The following KLF12 variants were observed in gnomAD, a reference collection of about 807,000 sequenced individuals.
KLF12 encodes Krueppel-like factor 12.
Under a neutral mutation model 37.8 loss-of-function variants are expected in KLF12, and 9 were observed. The ratio of observed to expected loss-of-function variants is 0.24; its 90% CI spans 0.14 to 0.42. KLF12 has a LOEUF of 0.42. Among genes scored for constraint, KLF12 ranks in the 10% least tolerant of loss-of-function variants. KLF12 has a pLI of 1.00. For missense variants in KLF12, 411 were observed against 516.0 expected, an observed-to-expected ratio of 0.80 and a Z score of 1.97; for synonymous variants, 208 against 202.1, an observed-to-expected ratio of 1.03 and a Z score of -0.25.
At chr13:74,121,673 T>G (rs1459609312) in intron 1 of KLF12, among the ~76,000 whole-genome samples, 1 of 152,044 alleles carries the variant, frequency 6.6e-6, no homozygotes, top group African/African-American at 2.4e-5. Context: ...TATAATTTAA[T>G]GCAATCCCAA....
At chr13:74,006,898 A>G (rs76385460) in intron 1 of KLF12, among the ~76,000 whole-genome samples, 2,968 of 152,302 alleles carry the variant, frequency 0.019, 80 homozygotes, top group African/African-American at 0.063. Flanking sequence ...TCCAATGCAC[A>G]TGACAAACAT....
chr13:73,794,792 T>C (rs1881872369), intron 5 of KLF12, among the ~76,000 whole-genome samples: 1 of 152,190 alleles, frequency 6.6e-6, no homozygotes, highest in Admixed American at 6.5e-5. Context: ...GCAAAGATCA[T>C]GAAGGGATGT....
the KLF12 span, among the ~76,000 whole-genome samples, chr13:74,287,960 C>T: frequency 6.6e-6 from 1 of 151,934 alleles, no homozygotes; most frequent in Non-Finnish European, 1.5e-5. Context: ...TAGAGCTCCA[C>T]CCCCCTCCCA....
At chr13:73,796,706 C>T (rs578096128) in intron 5 of KLF12, among the ~76,000 whole-genome samples, 39 of 152,236 alleles carry the variant, frequency 2.6e-4, no homozygotes, top group African/African-American at 8.9e-4. Context: ...CTAGCAATCC[C>T]CTTCTTCAGT....
At chr13:74,067,960 C>T (rs957610579) in intron 1 of KLF12, among the ~76,000 whole-genome samples, 8 of 152,216 alleles carry the variant, frequency 5.3e-5, no homozygotes, top group African/African-American at 1.9e-4. Context: ...TTTTAACCAA[C>T]TTCCGCTTAA....
chr13:74,012,150 T>G (rs886231224), intron 1 of KLF12, among the ~76,000 whole-genome samples: 3 of 152,196 alleles, frequency 2.0e-5, no homozygotes, highest in Non-Finnish European at 4.4e-5. Context: ...TTCAGCCCCT[T>G]GGAGAGCTAT....
intron 2 of KLF12, among the ~76,000 whole-genome samples, chr13:73,949,080 AT>A (rs1336683796): frequency 6.6e-6 from 1 of 152,210 alleles, no homozygotes. Context: ...CATCTGAGAC[AT>A]AAGGAGGTTA....
chr13:74,091,719 T>C (rs1162964412), intron 1 of KLF12, among the ~76,000 whole-genome samples: 2 of 152,104 alleles, frequency 1.3e-5, no homozygotes, highest in African/African-American at 4.8e-5. Context: ...AAAAAACCTC[T>C]GTATGATAGT....
intron 4 of KLF12, among the ~76,000 whole-genome samples, chr13:73,843,039 TATGGG>T: frequency 6.6e-6 from 1 of 152,236 alleles, no homozygotes; most frequent in East Asian, 1.9e-4. Context: ...AAATAGAAAA[TATGGG>T]ATGTCCTCAA....
chr13:74,211,520 A>C, the KLF12 span, among the ~76,000 whole-genome samples: 2 of 152,192 alleles, frequency 1.3e-5, no homozygotes, highest in African/African-American at 2.4e-5. Flanking sequence ...GAAATCAAGC[A>C]GAACAATTTG....
At chr13:73,892,196 T>C (rs1023112092) in intron 3 of KLF12, among the ~76,000 whole-genome samples, 3 of 152,192 alleles carry the variant, frequency 2.0e-5, no homozygotes, top group Admixed American at 6.5e-5. Context: ...CAGAAATCTC[T>C]CCTGAACTAT....
At chr13:74,221,151 CCG>C in the KLF12 span, among the ~76,000 whole-genome samples, 18 of 151,870 alleles carry the variant, frequency 1.2e-4, no homozygotes, top group East Asian at 9.7e-4. Context: ...ACTACAAGCA[CCG>C]CCGCCACCAC....
At chr13:73,780,485 T>C (rs12873526) in intron 5 of KLF12, among the ~76,000 whole-genome samples, 4 of 142,354 alleles carry the variant, frequency 2.8e-5, no homozygotes, top group Admixed American at 1.4e-4. Context: ...TTTTTTTTTT[T>C]CTTTTTTCTT....
At position 73,752,607 on chromosome 13, in the gene KLF12, G is replaced by T. The variant is rs373963578; in HGVS notation, c.869+12331C>A. 3.7e-4 allele frequency among the ~76,000 whole-genome samples: 57 copies of T among 152,070 alleles called. 1 individual carries two copies. The highest frequency in any genetic ancestry group is 1.4e-3 in the African/African-American group (56 of 41,460). The stretch of plus-strand genomic sequence containing the variant: ...AACTGCTGTTTACAGTTTTCAGAAC[G>T]CATCCTAGTTGCATCCACTTCTCTC... On this transcript the variant is annotated intron_variant, in intron 6 of 7. Coordinates refer to ENST00000377669, the MANE Select transcript of KLF12 (RefSeq NM_007249.5).
At chr13:74,175,407 G>A in the KLF12 span, among the ~76,000 whole-genome samples, 2 of 152,192 alleles carry the variant, frequency 1.3e-5, no homozygotes, top group Non-Finnish European at 2.9e-5. Flanking sequence ...TTTTCTAATA[G>A]AGAGGTAAAA....
chr13:74,192,597 T>C, the KLF12 span, among the ~76,000 whole-genome samples: 1 of 152,190 alleles, frequency 6.6e-6, no homozygotes, highest in Non-Finnish European at 1.5e-5. Context: ...GCATGAGAAA[T>C]CAGTTTCGTT....
At chr13:73,759,239 G>A (rs933830998) in intron 6 of KLF12, among the ~76,000 whole-genome samples, 2 of 152,004 alleles carry the variant, frequency 1.3e-5, no homozygotes, top group African/African-American at 2.4e-5. Context: ...TTGCCAACAC[G>A]CATGGCTTAA....
rs1416205418 is a variant in KLF12 at position 73,811,926 on chromosome 13, TTTTC to T, written c.806+1222_806+1225del. Among the ~76,000 whole-genome samples, 6 of 152,340 alleles carry T rather than the reference TTTTC, an allele frequency of 3.9e-5. No individual in the cohort carries two copies. In the South Asian group the frequency reaches 6.2e-4, roughly 16 times the overall value. ...TCTGAAATGCAATACCAAGGCTCTC[TTTTC>T]TTTGTTTTTTAATTTCAAAGCCTAA... On this transcript the variant is annotated intron_variant, in intron 5 of 7. Transcript: ENST00000377669.
At chr13:74,176,432 A>G in the KLF12 span, among the ~76,000 whole-genome samples, 1 of 152,152 alleles carries the variant, frequency 6.6e-6, no homozygotes, top group Admixed American at 6.5e-5. Flanking sequence ...CAAATGCGCA[A>G]CATTCTAGCC....
Sources: gnomAD v4.1 joint callset for allele counts (sites outside exome capture counted in the v4.1 genomes callset) on GRCh38, gnomAD v4.1.1 for gene constraint, MANE v1.5 for transcripts, NCBI Gene and HGNC (gene_info 2026-07-23, HGNC 2026-07-21) for gene names.